CACNA2D1: variants seen among roughly 807,000 people sequenced by gnomAD.
CACNA2D1 encodes the protein voltage-dependent calcium channel subunit alpha-2/delta-1.
Under a neutral mutation model 171.5 loss-of-function variants are expected in CACNA2D1, and 53 were observed. The observed-to-expected ratio is 0.31, with a 90% CI of 0.25 to 0.39. The LOEUF is 0.39. Among genes scored for constraint, CACNA2D1 ranks in the 10% least tolerant of loss-of-function variants. The probability of loss-of-function intolerance (pLI) is 1.00; values close to 1 mark genes in which losing one functional copy is unlikely to be tolerated. For missense variants in CACNA2D1, 903 were observed against 1,299.8 expected (o/e 0.69, Z 4.69); for synonymous variants, 442 against 443.1 (o/e 1.00, Z 0.03).
intron 4 of CACNA2D1, among the ~76,000 whole-genome samples, chr7:82,157,357 TATA>T (rs535152490): frequency 5.0e-4 from 76 of 152,250 alleles, no homozygotes; most frequent in Non-Finnish European, 7.2e-4. Context: ...GAAAATGGCT[TATA>T]ATGTGATTTT....
chr7:82,366,814 G>T (rs1051602071), intron 1 of CACNA2D1, among the ~76,000 whole-genome samples: 15 of 151,614 alleles, frequency 9.9e-5, no homozygotes, highest in African/African-American at 3.2e-4. Flanking sequence ...TTTCCACAGG[G>T]GCAATTATGG....
chr7:81,983,228 G>C (rs1470495146), intron 23 of CACNA2D1, 86 bp downstream of exon 23: 2 of 1,137,072 alleles, frequency 1.8e-6, no homozygotes, highest in Non-Finnish European at 2.6e-6. Flanking sequence ...GAAGCACAGA[G>C]GATAATATCC....
At chr7:82,073,693 T>G (rs947374116) in intron 7 of CACNA2D1, among the ~76,000 whole-genome samples, 1 of 152,152 alleles carries the variant, frequency 6.6e-6, no homozygotes, top group Non-Finnish European at 1.5e-5. Context: ...CTCTGCCTCC[T>G]GGGTTCAAGT....
At chr7:82,045,464 T>C (rs1804447262) in intron 10 of CACNA2D1, among the ~76,000 whole-genome samples, 1 of 152,162 alleles carries the variant, frequency 6.6e-6, no homozygotes, top group South Asian at 2.1e-4. Flanking sequence ...TCTGTAACCT[T>C]ACTGATGTTT....
chr7:82,399,434 C>G (rs1826105011), intron 1 of CACNA2D1, among the ~76,000 whole-genome samples: 1 of 148,200 alleles, frequency 6.7e-6, no homozygotes, highest in East Asian at 2.0e-4. Context: ...AGCAAGACTC[C>G]ATCTCAAAAA....
chr7:81,957,180 T>C (rs1189845319), intron 38 of CACNA2D1, among the ~76,000 whole-genome samples: 1 of 151,888 alleles, frequency 6.6e-6, no homozygotes, highest in Admixed American at 6.6e-5. Context: ...GTAGTTCTCA[T>C]AAAATACCAT....
chr7:82,407,555 TATAAATTC>T (rs1827191162), intron 1 of CACNA2D1, among the ~76,000 whole-genome samples: 1 of 152,218 alleles, frequency 6.6e-6, no homozygotes, highest in Non-Finnish European at 1.5e-5. Flanking sequence ...TTTATGCTAT[TATAAATTC>T]ATGAAGATTT....
intron 3 of CACNA2D1, among the ~76,000 whole-genome samples, chr7:82,183,033 T>C (rs1287274205): frequency 1.7e-5 from 2 of 114,564 alleles, no homozygotes; most frequent in African/African-American, 6.8e-5. Flanking sequence ...TGAGACTCCA[T>C]CTTAAAAAAA....
chr7:82,406,838 T>C (rs1348684294), intron 1 of CACNA2D1, among the ~76,000 whole-genome samples: 3 of 152,198 alleles, frequency 2.0e-5, no homozygotes, highest in Non-Finnish European at 2.9e-5. Context: ...AGAATTTTTT[T>C]GTCTCATTAA....
At chr7:82,363,254 C>CTCTTTTTTTTTTTTTTTT (rs1821286522) in intron 1 of CACNA2D1, among the ~76,000 whole-genome samples, 1 of 63,420 alleles carries the variant, frequency 1.6e-5, no homozygotes, top group African/African-American at 8.4e-5. Flanking sequence ...TTATTTGTCT[C>CTCTTTTTTTTTTTTTTTT]TTTTTTTTTT....
chr7:82,079,187 T>G (rs928638545), intron 7 of CACNA2D1, among the ~76,000 whole-genome samples: 2 of 152,200 alleles, frequency 1.3e-5, no homozygotes, highest in Non-Finnish European at 2.9e-5. Flanking sequence ...TACTCTAACT[T>G]TCCCCTACAT....
At chr7:81,997,031 A>C (rs560084871) in intron 19 of CACNA2D1, 148 bp downstream of exon 19, 262 of 651,778 alleles carry the variant, frequency 4.0e-4, no homozygotes, top group Non-Finnish European at 6.3e-4. Flanking sequence ...GGATCTAGAA[A>C]ATTTTAATGA....
chr7:81,994,789 AG>A, intron 20 of CACNA2D1, 78 bp downstream of exon 20: 1 of 775,204 alleles, frequency 1.3e-6, no homozygotes, highest in Non-Finnish European at 2.3e-6. Context: ...GTGGATTAAT[AG>A]AAAAAAAGGA....
In CACNA2D1 at chr7:82,145,934, G is replaced by T. The variant is rs11982798; in HGVS notation, c.355-9258C>A. ...AATAATTTTGGCCTTTTGTAAGCTT[G>T]CTTCTGTTACTTTTGCCACATATCA... On this transcript the variant is annotated intron_variant, in intron 4 of 38. Transcript: ENST00000356860. Among the ~76,000 whole-genome samples, 1,122 of 151,946 alleles carry T rather than the reference G, an allele frequency of 7.4e-3. 11 individuals are homozygous for T. The highest frequency in any genetic ancestry group is 0.025 in the African/African-American group (1,045 of 41,486).
intron 9 of CACNA2D1, among the ~76,000 whole-genome samples, chr7:82,063,359 A>C (rs2128979871): frequency 6.6e-6 from 1 of 152,328 alleles, no homozygotes; most frequent in Middle Eastern, 3.4e-3. Context: ...TTAAGAAATA[A>C]AATAAGAATT....
rs761079537 is a variant in CACNA2D1 at position 82,184,405 on chromosome 7, C to T, written c.295-13796G>A. ...AAAAAATATGCCACCTCTGTTTTCC[C>T]CTTTTTCTAGAGAACATGATTTTTT... is the stretch of plus-strand genomic sequence containing the variant. On this transcript the variant is annotated intron_variant, in intron 3 of 38. Coordinates refer to ENST00000356860, the MANE Select transcript of CACNA2D1 (RefSeq NM_000722.4). 1.5e-4 allele frequency among the ~76,000 whole-genome samples: 23 copies of T among 151,962 alleles called. No homozygotes were observed. The Middle Eastern group carries it at 0.017, about 112-fold the overall frequency.
chr7:82,106,342 C>T (rs544552466), intron 6 of CACNA2D1, among the ~76,000 whole-genome samples: 1 of 152,082 alleles, frequency 6.6e-6, no homozygotes, highest in Non-Finnish European at 1.5e-5. Context: ...TACTGTCAGC[C>T]TGTTTTGGAA....
chr7:82,326,031 T>C (rs958619913), intron 3 of CACNA2D1, among the ~76,000 whole-genome samples: 5 of 152,104 alleles, frequency 3.3e-5, no homozygotes, highest in Admixed American at 3.3e-4. Context: ...GTGCACTCAG[T>C]GATGTGATGA....
At chr7:82,318,750 G>A (rs1033079699) in intron 3 of CACNA2D1, among the ~76,000 whole-genome samples, 3 of 152,058 alleles carry the variant, frequency 2.0e-5, no homozygotes, top group African/African-American at 4.8e-5. Context: ...AGAACTACAT[G>A]ACCTCAGATA....
Sources: gnomAD v4.1 joint callset for allele counts (sites outside exome capture counted in the v4.1 genomes callset) on GRCh38, gnomAD v4.1.1 for gene constraint, MANE v1.5 for transcripts, NCBI Gene and HGNC (gene_info 2026-07-23, HGNC 2026-07-21) for gene names.